SULT1C3: variants seen among roughly 807,000 people sequenced by gnomAD.
The protein encoded by SULT1C3 is sulfotransferase family 1C member 3.
A neutral mutation model predicts 28.4 loss-of-function variants in SULT1C3; 31 were observed. The ratio of observed to expected loss-of-function variants is 1.09; its 90% confidence interval spans 0.82 to 1.47. SULT1C3 has a LOEUF of 1.47. SULT1C3 is among the 40% of genes most tolerant of loss of function. The probability of loss-of-function intolerance (pLI) is 0.00; values close to 1 mark genes in which losing one functional copy is unlikely to be tolerated. For synonymous variants in SULT1C3, 106 were observed against 92.2 expected (o/e 1.15, Z -0.86); for missense variants, 307 against 272.5 (o/e 1.13, Z -0.89).
chr2:108,243,229 C>T (rs188460044), intron 1 of SULT1C3, among the ~76,000 whole-genome samples: 16 of 152,270 alleles, frequency 1.1e-4, no homozygotes, highest in South Asian at 4.1e-4. Flanking sequence ...TTGTTTCCAG[C>T]GCCCGAGCTG....
At position 108,259,012 on chromosome 2, in the gene SULT1C3, C is replaced by A. The variant is rs1675947753; in HGVS notation, c.668C>A (p.Thr223Asn). Residue 223 changes from threonine to asparagine, a missense_variant, in exon 7 of 8, where the codon ACT becomes AAT. Physicochemically the swap from Thr to Asn is moderately conservative, Grantham distance 65. Transcript: ENST00000681802. ...IHKVLEFLEK[T>N]WSGDVINKIV... ...AAGGTGTTGGAATTCTTGGAGAAAA[C>A]TTGGTCAGGTGATGTTATAAACAAG... 1.5e-5 allele frequency: 5 copies of A among 326,368 alleles called. No individual in the cohort carries two copies. The highest frequency in any genetic ancestry group is 3.3e-5 in the Non-Finnish European group (5 of 151,696). The allele number at this position is 326,368 out of a possible 1,614,324, so 20.2% of individuals were successfully genotyped here.
downstream of SULT1C3, chr2:108,264,962 C>G: frequency 6.2e-7 from 1 of 1,613,786 alleles, no homozygotes; most frequent in Admixed American, 1.7e-5. Context: ...CCACTTTGCC[C>G]ACCAGCATTA....
chr2:108,257,938 G>T (rs1298412880), intron 5 of SULT1C3, among the ~76,000 whole-genome samples: 5 of 152,018 alleles, frequency 3.3e-5, no homozygotes, highest in African/African-American at 1.2e-4. Flanking sequence ...TCAAGTCACT[G>T]CAAACTTACA....
At chr2:108,242,725 T>G (rs1200617120) in intron 1 of SULT1C3, among the ~76,000 whole-genome samples, 6 of 152,160 alleles carry the variant, frequency 3.9e-5, no homozygotes, top group African/African-American at 1.4e-4. Flanking sequence ...CTTTTAATTT[T>G]GGGGGCTTCG....
intron 5 of SULT1C3, 96 bp from the exon 6 acceptor site, chr2:108,258,638 A>T: frequency 1.2e-6 from 1 of 869,062 alleles, no homozygotes; most frequent in Non-Finnish European, 1.8e-6. Context: ...CCAGAACGAT[A>T]GTTACAGAAG....
downstream of SULT1C3, among the ~76,000 whole-genome samples, chr2:108,261,655 G>A (rs1022707655): frequency 2.6e-5 from 4 of 152,046 alleles, no homozygotes; most frequent in African/African-American, 7.2e-5. Context: ...GGGAAATTTG[G>A]AAAGACTTAA....
rs559351722 is a variant in SULT1C3 at position 108,256,401 on chromosome 2, G to A, written c.526+703G>A. ...CTACATAAAGTGATTTAGGATGTAA[G>A]GACCATCTTTACATATTTGTATGAG... On this transcript the variant is annotated intron_variant, in intron 5 of 7. Coordinates refer to ENST00000681802, the MANE Select transcript of SULT1C3 (RefSeq NM_001320878.2). 3.9e-5 allele frequency among the ~76,000 whole-genome samples: 6 copies of A among 152,166 alleles called. No homozygotes were observed. The East Asian group carries it at 9.7e-4, about 25-fold the overall frequency.
chr2:108,250,948 T>C (rs1675712573), intron 2 of SULT1C3, among the ~76,000 whole-genome samples: 1 of 152,044 alleles, frequency 6.6e-6, no homozygotes, highest in South Asian at 2.1e-4. Context: ...GTTCTACTCT[T>C]ATCTATGGTA....
At chr2:108,244,386 C>T (rs1486328681) in intron 1 of SULT1C3, among the ~76,000 whole-genome samples, 1 of 152,088 alleles carries the variant, frequency 6.6e-6, no homozygotes, top group African/African-American at 2.4e-5. Context: ...CCATTATAAA[C>T]CATAAAAGAA....
At chr2:108,259,195 C>G (rs1380510524) in intron 7 of SULT1C3, 49 bp downstream of exon 7, 1 of 262,082 alleles carries the variant, frequency 3.8e-6, no homozygotes, top group East Asian at 9.0e-5. Context: ...ATTTTCTACC[C>G]TATATGCTAA....
chr2:108,254,323 C>CAT (rs943069382), intron 4 of SULT1C3, among the ~76,000 whole-genome samples: 1 of 152,004 alleles, frequency 6.6e-6, no homozygotes, highest in African/African-American at 2.4e-5. Flanking sequence ...CTGACTCAAG[C>CAT]ATCTCCTCAT....
chr2:108,241,755 G>A (rs751330166), intron 1 of SULT1C3, among the ~76,000 whole-genome samples: 25 of 152,050 alleles, frequency 1.6e-4, no homozygotes, highest in African/African-American at 5.3e-4. Context: ...GTGAAACTCC[G>A]CCTCTAGTAA....
chr2:108,241,484 C>T (rs180706412), intron 1 of SULT1C3, among the ~76,000 whole-genome samples: 1 of 152,192 alleles, frequency 6.6e-6, no homozygotes, highest in African/African-American at 2.4e-5. Context: ...AAACAAGCAT[C>T]AGCAATATTC....
At chr2:108,264,850 T>C (rs534938058), downstream of SULT1C3, 325 of 1,612,856 alleles carry the variant, frequency 2.0e-4, 2 homozygotes, top group South Asian at 3.2e-3. Flanking sequence ...ATTGAGAAGA[T>C]ACTGAAGTTC....
In SULT1C3 at chr2:108,241,761, A is replaced by T. The variant is rs189509258; in HGVS notation, c.-8+1678A>T. Among the ~76,000 whole-genome samples the T allele has an allele frequency of 3.8e-3, 577 of 152,230 alleles. 3 individuals carry two copies. The highest frequency in any genetic ancestry group is 6.2e-3 in the Non-Finnish European group (421 of 68,008). On this transcript the variant is annotated intron_variant, in intron 1 of 7. Coordinates refer to ENST00000681802, the MANE Select transcript of SULT1C3 (RefSeq NM_001320878.2). Reference sequence around the variant, plus strand: ...GCTAACATGGTGAAACTCCGCCTCTAGTAAAAATACAAAAAATAAGCTGGG... The same window carrying T: ...GCTAACATGGTGAAACTCCGCCTCTTGTAAAAATACAAAAAATAAGCTGGG...
At chr2:108,264,991 C>A (rs1021551479), downstream of SULT1C3, 16 of 1,610,210 alleles carry the variant, frequency 9.9e-6, no homozygotes, top group Non-Finnish European at 1.4e-5. Context: ...TCCATCTCCC[C>A]TTTTATGAGG....
intron 4 of SULT1C3, among the ~76,000 whole-genome samples, chr2:108,254,304 T>C (rs140756135): frequency 6.6e-6 from 1 of 152,156 alleles, no homozygotes; most frequent in East Asian, 1.9e-4. Context: ...ACCTTCCACA[T>C]GCTCTCATCT....
At chr2:108,244,479 A>G (rs954051049) in intron 1 of SULT1C3, among the ~76,000 whole-genome samples, 1 of 152,162 alleles carries the variant, frequency 6.6e-6, no homozygotes, top group Non-Finnish European at 1.5e-5. Flanking sequence ...TGTTTTGCCT[A>G]TATTTTTGCC....
chr2:108,243,360 G>A (rs1040922890), intron 1 of SULT1C3, among the ~76,000 whole-genome samples: 10 of 152,048 alleles, frequency 6.6e-5, no homozygotes, highest in African/African-American at 1.2e-4. Flanking sequence ...GGCCGGGCGC[G>A]GTGGCTCACA....
Sources: gnomAD v4.1 joint callset for allele counts (sites outside exome capture counted in the v4.1 genomes callset) on GRCh38, gnomAD v4.1.1 for gene constraint, MANE v1.5 for transcripts, NCBI Gene and HGNC (gene_info 2026-07-23, HGNC 2026-07-21) for gene names.